Variants in EFNA5 observed in about 807,000 individuals in gnomAD.
EFNA5 encodes the protein ephrin-A5.
A neutral mutation model predicts 22.9 loss-of-function variants in EFNA5; 5 were observed. The ratio of observed to expected loss-of-function variants is 0.22; its 90% CI spans 0.11 to 0.46. The LOEUF (loss-of-function observed/expected upper bound fraction) is 0.46. Among genes scored for constraint, EFNA5 ranks in the 20% least tolerant of loss-of-function variants. EFNA5 has a pLI of 0.99. For missense variants in EFNA5, 237 were observed against 293.3 expected, an observed-to-expected ratio of 0.81 and a Z score of 1.40; for synonymous variants, 113 against 112.2, an observed-to-expected ratio of 1.01 and a Z score of -0.04.
At chr5:107,553,592 G>C (rs1264968172) in intron 1 of EFNA5, among the ~76,000 whole-genome samples, 1 of 152,176 alleles carries the variant, frequency 6.6e-6, no homozygotes, top group South Asian at 2.1e-4. Flanking sequence ...AGCTCTTACT[G>C]GACTAACATA....
chr5:107,659,094 T>C (rs1275300688), intron 1 of EFNA5, among the ~76,000 whole-genome samples: 1 of 152,182 alleles, frequency 6.6e-6, no homozygotes, highest in Admixed American at 6.5e-5. Context: ...GGTGCAAATG[T>C]TATCTTATCC....
chr5:107,653,170 C>T (rs1264368256), intron 1 of EFNA5, among the ~76,000 whole-genome samples: 1 of 152,118 alleles, frequency 6.6e-6, no homozygotes, highest in East Asian at 1.9e-4. Context: ...CTGCAATTTA[C>T]ATCTCCTTGA....
intron 1 of EFNA5, among the ~76,000 whole-genome samples, chr5:107,445,393 T>C (rs149494959): frequency 6.6e-5 from 10 of 152,288 alleles, no homozygotes; most frequent in Admixed American, 5.9e-4. Flanking sequence ...ACAGAGCACA[T>C]ATGTGCTCTA....
At chr5:107,617,007 G>GGAAACTCT (rs1337328932) in intron 1 of EFNA5, among the ~76,000 whole-genome samples, 1 of 151,968 alleles carries the variant, frequency 6.6e-6, no homozygotes, top group East Asian at 1.9e-4. Flanking sequence ...GTTTTGTGGA[G>GGAAACTCT]GAAACTCTGA....
intron 1 of EFNA5, among the ~76,000 whole-genome samples, chr5:107,566,680 C>T (rs1006403454): frequency 6.6e-6 from 1 of 152,202 alleles, no homozygotes; most frequent in African/African-American, 2.4e-5. Context: ...CTCCTGGCTT[C>T]CTTTCAAATT....
chr5:107,431,288 T>A (rs1580447274), intron 1 of EFNA5, among the ~76,000 whole-genome samples: 1 of 152,164 alleles, frequency 6.6e-6, no homozygotes, highest in East Asian at 1.9e-4. Context: ...CAAAGAAAAG[T>A]TTAGGATCAC....
chr5:107,599,433 A>G (rs1749543819), intron 1 of EFNA5, among the ~76,000 whole-genome samples: 1 of 152,222 alleles, frequency 6.6e-6, no homozygotes, highest in Non-Finnish European at 1.5e-5. Context: ...TTGCACAAAA[A>G]TAGAATACTC....
At chr5:107,591,992 T>TATATATA (rs1561443165) in intron 1 of EFNA5, among the ~76,000 whole-genome samples, 6 of 42,178 alleles carry the variant, frequency 1.4e-4, no homozygotes, top group East Asian at 8.6e-4. Context: ...TAATATATAA[T>TATATATA]ATATATAATA....
intron 2 of EFNA5, 124 bp downstream of exon 2, chr5:107,427,093 C>G: frequency 1.0e-6 from 1 of 999,494 alleles, no homozygotes; most frequent in Non-Finnish European, 1.5e-6. Context: ...TCCTGATGTA[C>G]GCATTTACAA....
chr5:107,483,127 GA>G (rs1750533662), intron 1 of EFNA5, among the ~76,000 whole-genome samples: 1 of 151,918 alleles, frequency 6.6e-6, no homozygotes, highest in African/African-American at 2.4e-5. Context: ...ATTATCTTCT[GA>G]TTTTTTTATA....
chr5:107,385,567 T>C (rs1747592488), intron 4 of EFNA5, among the ~76,000 whole-genome samples: 1 of 152,210 alleles, frequency 6.6e-6, no homozygotes. Context: ...AAGAGACCAC[T>C]ACTTTGATAC....
intron 1 of EFNA5, among the ~76,000 whole-genome samples, chr5:107,649,516 A>C: frequency 6.6e-6 from 1 of 152,154 alleles, no homozygotes. Flanking sequence ...CATGGATCCA[A>C]AATTATGCAC....
intron 1 of EFNA5, among the ~76,000 whole-genome samples, chr5:107,606,831 C>G (rs146299690): frequency 3.2e-4 from 48 of 152,272 alleles, no homozygotes; most frequent in African/African-American, 1.1e-3. Context: ...CTTTACAGAT[C>G]AATGAATAGA....
chr5:107,477,105 T>C (rs1750333741), intron 1 of EFNA5, among the ~76,000 whole-genome samples: 1 of 152,056 alleles, frequency 6.6e-6, no homozygotes, highest in South Asian at 2.1e-4. Flanking sequence ...CTGAGCCTCC[T>C]AGTAACCAAA....
intron 1 of EFNA5, among the ~76,000 whole-genome samples, chr5:107,463,178 T>C (rs1452350061): frequency 6.6e-6 from 1 of 152,194 alleles, no homozygotes; most frequent in Non-Finnish European, 1.5e-5. Context: ...TCCAAAGATT[T>C]TGAGGTAATT....
chr5:107,468,986 T>A (rs558118872), intron 1 of EFNA5, among the ~76,000 whole-genome samples: 68 of 152,338 alleles, frequency 4.5e-4, no homozygotes, highest in African/African-American at 1.5e-3. Flanking sequence ...CTAGCACACC[T>A]GGTAAAATTT....
At chr5:107,638,841 T>TAC (rs1360818769) in intron 1 of EFNA5, among the ~76,000 whole-genome samples, 2 of 151,322 alleles carry the variant, frequency 1.3e-5, no homozygotes, top group Admixed American at 6.6e-5. Context: ...CACACACATA[T>TAC]ACACACACAA....
intron 1 of EFNA5, among the ~76,000 whole-genome samples, chr5:107,560,772 C>T (rs1748518388): frequency 2.0e-5 from 3 of 152,136 alleles, no homozygotes; most frequent in Non-Finnish European, 4.4e-5. Flanking sequence ...AGGGACAGGC[C>T]CTCATCCATC....
chr5:107,509,567 G>A (rs1476842173), intron 1 of EFNA5, among the ~76,000 whole-genome samples: 2 of 148,696 alleles, frequency 1.3e-5, no homozygotes, highest in African/African-American at 2.5e-5. Flanking sequence ...TCCTGACCTC[G>A]TGATCCGCCC....
Sources: gnomAD v4.1 joint callset for allele counts (sites outside exome capture counted in the v4.1 genomes callset) on GRCh38, gnomAD v4.1.1 for gene constraint, MANE v1.5 for transcripts, NCBI Gene and HGNC (gene_info 2026-07-23, HGNC 2026-07-21) for gene names.